The following CTTN variants were observed in gnomAD, a reference collection of about 807,000 sequenced individuals.
The protein encoded by CTTN is cortactin.
CTTN carries 28 observed loss-of-function variants against 84.0 expected under a neutral mutation model. The observed-to-expected ratio is 0.33, with a 90% CI of 0.25 to 0.46. The LOEUF is 0.46. Ranked by LOEUF, CTTN falls within the 20% of genes least tolerant of loss-of-function variation. CTTN has a pLI of 1.00. For synonymous variants in CTTN, 301 were observed against 288.8 expected (o/e 1.04, Z -0.43); for missense variants, 641 against 723.8 (o/e 0.89, Z 1.31).
chr11:70,421,279 A>G (rs2135579358), intron 10 of CTTN, among the ~76,000 whole-genome samples, 191 bp from the exon 11 acceptor site: 1 of 152,336 alleles, frequency 6.6e-6, no homozygotes, highest in East Asian at 1.9e-4. Context: ...TTTTAAGTTC[A>G]TTCTTTAACG....
Position 70,429,121 on chromosome 11 carries a change from G to A in CTTN, c.1098G>A (p.Arg366=). Residue 366 remains arginine (R), a synonymous_variant, in exon 14 of 18, where the codon AGG becomes AGA. Transcript: ENST00000301843. ...CTAAGGAGAAAGAGCAGGAGGACAG[G>A]CGGAAGGCGGAGGCGGAGAGAGCCC... is the stretch of plus-strand genomic sequence containing the variant. The part of the protein sequence containing the change: ...NLAKEKEQED[R]RKAEAERAQR... The A allele has an allele frequency of 2.5e-6, 4 of 1,614,182 alleles. No homozygotes were observed. The highest frequency in any genetic ancestry group is 3.4e-6 in the Non-Finnish European group (4 of 1,180,042).
chr11:70,428,710 C>T (rs1288978184), intron 13 of CTTN, among the ~76,000 whole-genome samples: 6 of 152,322 alleles, frequency 3.9e-5, no homozygotes, highest in Middle Eastern at 3.4e-3. Context: ...TACATCAGTA[C>T]CTTAACTGCT....
intron 11 of CTTN, chr11:70,422,655 G>A (rs1052352446): frequency 1.4e-5 from 19 of 1,393,184 alleles, no homozygotes; most frequent in Admixed American, 4.3e-5. Context: ...CTCTTTCCTC[G>A]CTTAGCTCCT....
intron 8 of CTTN, among the ~76,000 whole-genome samples, chr11:70,417,405 T>C (rs2058176457): frequency 6.6e-6 from 1 of 152,226 alleles, no homozygotes; most frequent in African/African-American, 2.4e-5. Flanking sequence ...CTTGCCGTGT[T>C]GCCCGGACTG....
At chr11:70,434,207 G>A (rs948141502) in intron 17 of CTTN, among the ~76,000 whole-genome samples, 2 of 152,206 alleles carry the variant, frequency 1.3e-5, no homozygotes, top group African/African-American at 4.8e-5. Flanking sequence ...GGCCTCAGCC[G>A]CCCGCCCCGT....
chr11:70,418,804 G>GTC (rs1406108203), intron 8 of CTTN, among the ~76,000 whole-genome samples: 1 of 147,152 alleles, frequency 6.8e-6, no homozygotes. Flanking sequence ...TTGAGACGGA[G>GTC]TCTCTCTCTC....
At chr11:70,421,679 C>A (rs906831093) in intron 11 of CTTN, 99 bp downstream of exon 11, 43 of 788,412 alleles carry the variant, frequency 5.5e-5, no homozygotes, top group Non-Finnish European at 8.8e-5. Flanking sequence ...GCAACACAGT[C>A]CTCCTGTGTC....
chr11:70,420,256 G>GT, intron 9 of CTTN, 144 bp from the exon 10 acceptor site: 1 of 655,882 alleles, frequency 1.5e-6, no homozygotes. Flanking sequence ...CTTCATGGAT[G>GT]TTATCTAAAG....
At chr11:70,433,357 G>A in intron 16 of CTTN, 79 bp downstream of exon 16, 1 of 1,420,164 alleles carries the variant, frequency 7.0e-7, no homozygotes, top group South Asian at 1.4e-5. Flanking sequence ...TGGCGTCGTT[G>A]CGAGGAGCGT....
intron 16 of CTTN, 129 bp downstream of exon 16, chr11:70,433,407 G>A: frequency 2.0e-6 from 2 of 1,013,938 alleles, no homozygotes; most frequent in East Asian, 2.6e-5. Context: ...TTGCTATAGG[G>A]TCTTCTTGTC....
intron 14 of CTTN, 134 bp downstream of exon 14, chr11:70,429,333 T>A: frequency 2.1e-6 from 2 of 973,308 alleles, no homozygotes; most frequent in Non-Finnish European, 3.1e-6. Context: ...AACTCTCCTT[T>A]AAGGCTCTCC....
chr11:70,433,294 G>A lies in CTTN; in HGVS notation c.1444+16G>A, dbSNP rs765854214. 50 of 1,595,704 alleles carry A rather than the reference G, an allele frequency of 3.1e-5. No individual in the cohort carries two copies. Among genetic ancestry groups the A allele is most frequent in the Non-Finnish European group, 3.9e-5 (46 of 1,172,108 alleles). ...TATCCCGCAGGTACTGGGGCCCCAC[G>A]CTGCAGCGCCCTGCCCAGGGCAGGG... On this transcript the variant is annotated intron_variant, in intron 16 of 17. Transcript: ENST00000301843.
At chr11:70,422,159 A>G (rs996600171) in intron 11 of CTTN, 3 of 325,358 alleles carry the variant, frequency 9.2e-6, no homozygotes, top group African/African-American at 6.5e-5. Flanking sequence ...GCCACACAGT[A>G]TGTACGTGAA....
At chr11:70,421,753 T>A (rs1565495421) in intron 11 of CTTN, 173 bp downstream of exon 11, 1 of 603,368 alleles carries the variant, frequency 1.7e-6, no homozygotes, top group Non-Finnish European at 3.0e-6. Context: ...CGACACTGAT[T>A]TTGAGTGGTT....
At position 70,409,845 on chromosome 11, in the gene CTTN, G is replaced by C. The variant is rs1051257169; in HGVS notation, c.176G>C (p.Arg59Thr). ...CTTCCATCAAGCATACACAAGCTGA[G>C]GGAGAATGTCTTTCAAGAGCATCAG... Reference protein sequence around the residue: ...HQEHINIHKLRENVFQEHQTL... With the variant: ...HQEHINIHKLTENVFQEHQTL... Residue 59 changes from arginine (R) to threonine (T), a missense_variant, in exon 5 of 18, where the codon AGG (arginine) becomes ACG (threonine). Coordinates refer to ENST00000301843, the MANE Select transcript of CTTN (RefSeq NM_005231.4). The C allele has an allele frequency of 6.2e-7, 1 of 1,614,120 alleles. No homozygotes were observed.
chr11:70,420,917 C>T (rs2058229162), intron 10 of CTTN, among the ~76,000 whole-genome samples: 1 of 152,220 alleles, frequency 6.6e-6, no homozygotes, highest in South Asian at 2.1e-4. Context: ...TGCAGTGCTC[C>T]TCATCCAGGC....
At chr11:70,412,416 C>A (rs1245596370) in intron 5 of CTTN, among the ~76,000 whole-genome samples, 1 of 152,086 alleles carries the variant, frequency 6.6e-6, no homozygotes, top group Non-Finnish European at 1.5e-5. Context: ...GAGAGAGACG[C>A]TGTCTCAGGA....
In CTTN at chr11:70,410,431, C is replaced by G. The variant is rs962649791; in HGVS notation, c.291+471C>G. 4.3e-5 allele frequency: 7 copies of G among 163,490 alleles called. No homozygotes were observed. In the East Asian group the frequency reaches 1.1e-3, roughly 27 times the overall value. 10.1% of individuals were successfully genotyped at this position (163,490 alleles called of 1,614,324 possible). A position where few individuals can be genotyped will look rare whatever the true frequency, so the allele number is the denominator to read the frequency against. On this transcript the variant is annotated intron_variant, in intron 5 of 17. Coordinates refer to ENST00000301843, the MANE Select transcript of CTTN (RefSeq NM_005231.4). ...TGCGTTCAGTGACCATCAGAGCAGT[C>G]TCCCTCGTGTAAATTCGGCGCGTAC...
At chr11:70,434,941 G>A in intron 17 of CTTN, 85 bp from the exon 18 acceptor site, 1 of 1,472,656 alleles carries the variant, frequency 6.8e-7, no homozygotes. Context: ...AGGCTGCCTG[G>A]GAGCTTGCTC....
Sources: gnomAD v4.1 joint callset for allele counts (sites outside exome capture counted in the v4.1 genomes callset) on GRCh38, gnomAD v4.1.1 for gene constraint, MANE v1.5 for transcripts, NCBI Gene and HGNC (gene_info 2026-07-23, HGNC 2026-07-21) for gene names.